The following CAMK2G variants were observed in gnomAD, a reference collection of about 807,000 sequenced individuals.
CAMK2G encodes the protein calcium/calmodulin dependent protein kinase II gamma.
In CAMK2G, 23 loss-of-function variants were observed where a neutral mutation model predicts 88.7. The ratio of observed to expected loss-of-function variants is 0.26; its 90% CI spans 0.19 to 0.37. The LOEUF is 0.37. Among genes scored for constraint, CAMK2G ranks in the 10% least tolerant of loss-of-function variants. CAMK2G has a pLI of 1.00. For synonymous variants in CAMK2G, 263 were observed against 294.8 expected (o/e 0.89, Z 1.11); for missense variants, 476 against 780.8 (o/e 0.61, Z 4.65).
At chr10:73,861,125 CA>C (rs2095351921) in intron 2 of CAMK2G, among the ~76,000 whole-genome samples, 1 of 152,196 alleles carries the variant, frequency 6.6e-6, no homozygotes, top group Non-Finnish European at 1.5e-5. Context: ...CTCCTGGGCT[CA>C]AGCAATCCTC....
intron 3 of CAMK2G, among the ~76,000 whole-genome samples, chr10:73,856,376 A>G (rs965586410): frequency 7.9e-5 from 12 of 152,182 alleles, no homozygotes; most frequent in Non-Finnish European, 1.8e-4. Flanking sequence ...TAGGCAAAGG[A>G]GCTCCAATCT....
chr10:73,816,565 A>T, intron 21 of CAMK2G: 1 of 648,616 alleles, frequency 1.5e-6, no homozygotes, highest in South Asian at 1.9e-5. Flanking sequence ...GGTTCACATC[A>T]TTCTCCTGCC....
chr10:73,872,952 G>A (rs2095887343), intron 2 of CAMK2G, 37 bp downstream of exon 2: 3 of 1,333,112 alleles, frequency 2.3e-6, no homozygotes, highest in Non-Finnish European at 3.3e-6. Flanking sequence ...GCCCCTGGAG[G>A]CACCCTCAGG....
chr10:73,874,154 G>C, intron 1 of CAMK2G, among the ~76,000 whole-genome samples: 1 of 150,812 alleles, frequency 6.6e-6, no homozygotes, highest in South Asian at 2.1e-4. Context: ...GAGCGGTCCG[G>C]GGTCTGCGGT....
intron 16 of CAMK2G, among the ~76,000 whole-genome samples, chr10:73,824,313 G>GGCAGGT (rs2090179182): frequency 6.6e-6 from 1 of 152,198 alleles, no homozygotes; most frequent in Non-Finnish European, 1.5e-5. Flanking sequence ...AGAGAGGCCT[G>GGCAGGT]GCAGGTGCAG....
chr10:73,864,292 G>C (rs1201394817), intron 2 of CAMK2G, among the ~76,000 whole-genome samples: 1 of 150,292 alleles, frequency 6.7e-6, no homozygotes, highest in South Asian at 2.1e-4. Context: ...GACAGAGCAA[G>C]TCAAAAAAAA....
chr10:73,818,713 G>A (rs897782523), intron 19 of CAMK2G: 8 of 455,486 alleles, frequency 1.8e-5, no homozygotes, highest in Non-Finnish European at 3.1e-5. Context: ...GAGTTCGATC[G>A]GCTTCCAAAA....
In CAMK2G at chr10:73,825,296, G is replaced by A. The variant is rs1334065995; in HGVS notation, c.1138C>T (p.Pro380Ser). Residue 380 changes from proline (P) to serine (S), a missense_variant, in exon 16 of 23, where the codon CCC becomes TCC. Pro to Ser is a moderately conservative substitution (Grantham distance 74). This residue lies in a region of CAMK2G where 278 missense variants were observed against 366.5 expected (regional missense o/e 0.76). Coordinates refer to ENST00000423381, the MANE Select transcript of CAMK2G (RefSeq NM_001367534.1). ...GGAGGTACCATGGCCGTCTGCAAGG[G>A]CGCGGGCTCTTGGGCTGGGCTTACG... The part of the protein sequence containing the change: ...SLVSPAQEPA[P>S]LQTAMEPQTT... 6.8e-6 allele frequency: 11 copies of A among 1,613,532 alleles called. No individual in the cohort carries two copies. Among genetic ancestry groups the A allele is most frequent in the Non-Finnish European group, 7.6e-6 (9 of 1,179,440 alleles).
chr10:73,826,420 A>T (rs2090969019), intron 15 of CAMK2G, among the ~76,000 whole-genome samples: 1 of 152,116 alleles, frequency 6.6e-6, no homozygotes, highest in South Asian at 2.1e-4. Flanking sequence ...GCAACAGAGC[A>T]AGACTCCATC....
At chr10:73,871,005 C>G (rs2095808487) in intron 2 of CAMK2G, among the ~76,000 whole-genome samples, 1 of 152,184 alleles carries the variant, frequency 6.6e-6, no homozygotes, top group Non-Finnish European at 1.5e-5. Context: ...CATTCTGACC[C>G]CTCTGGCTGG....
In CAMK2G at chr10:73,842,432, G is replaced by A. The variant is rs1466344368; in HGVS notation, c.903+26C>T. On this transcript the variant is annotated intron_variant, in intron 11 of 22. Transcript: ENST00000423381. The surrounding 1 kb of genome is among the most constrained non-coding windows in gnomAD (Gnocchi z 4.6). ...TGGTGCAAGGCATGATGTCAAGGAG[G>A]CTGGCAGCCTAGAAACGACACTCAC... is the stretch of plus-strand genomic sequence containing the variant. The A allele has an allele frequency of 1.3e-6, 2 of 1,549,468 alleles. No individual in the cohort carries two copies. Among genetic ancestry groups the A allele is most frequent in the Admixed American group, 3.3e-5 (2 of 59,930 alleles).
intron 14 of CAMK2G, among the ~76,000 whole-genome samples, chr10:73,829,555 C>T (rs1303015810): frequency 6.6e-6 from 1 of 152,074 alleles, no homozygotes; most frequent in East Asian, 1.9e-4. Context: ...CTACCTCGGC[C>T]TCCCAAAGTG....
chr10:73,841,642 T>C, intron 12 of CAMK2G, among the ~76,000 whole-genome samples: 1 of 152,244 alleles, frequency 6.6e-6, no homozygotes, highest in East Asian at 1.9e-4. Context: ...TTCTTCACTG[T>C]TATAGCTAGT....
At chr10:73,820,904 C>A (rs2088337823) in intron 18 of CAMK2G, among the ~76,000 whole-genome samples, 1 of 151,942 alleles carries the variant, frequency 6.6e-6, no homozygotes, top group Non-Finnish European at 1.5e-5. Context: ...GAACTTCTGA[C>A]CTTCAGGTGA....
chr10:73,857,394 G>C (rs1353985877), intron 3 of CAMK2G, among the ~76,000 whole-genome samples: 1 of 152,096 alleles, frequency 6.6e-6, no homozygotes, highest in African/African-American at 2.4e-5. Context: ...CTTGCCAGAG[G>C]TCACAGTTAC....
At chr10:73,855,779 G>C (rs754578669) in intron 3 of CAMK2G, among the ~76,000 whole-genome samples, 2 of 152,216 alleles carry the variant, frequency 1.3e-5, no homozygotes, top group Non-Finnish European at 2.9e-5. Context: ...GTGCCCCAGA[G>C]CAAGGCACCT....
intron 19 of CAMK2G, chr10:73,818,569 G>A (rs534251064): frequency 1.8e-4 from 71 of 399,258 alleles, no homozygotes; most frequent in African/African-American, 1.2e-3. Flanking sequence ...CGGCCCAGCC[G>A]GGCCAGCACA....
chr10:73,827,951 C>T, intron 15 of CAMK2G, 138 bp downstream of exon 15: 1 of 784,474 alleles, frequency 1.3e-6, no homozygotes, highest in Non-Finnish European at 2.3e-6. Flanking sequence ...CCTGGCAGGA[C>T]AGGCCACACC....
chr10:73,874,239 CG>C (rs1289263248), intron 1 of CAMK2G, among the ~76,000 whole-genome samples, 157 bp downstream of exon 1: 1 of 77,216 alleles, frequency 1.3e-5, no homozygotes, highest in Non-Finnish European at 2.4e-5. Flanking sequence ...GGGCAGTGCG[CG>C]GGGGGCGCGG....
Sources: gnomAD v4.1 joint callset for allele counts (sites outside exome capture counted in the v4.1 genomes callset) on GRCh38, gnomAD v4.1.1 for gene constraint, gnomAD v4.1.1 regional missense constraint, Gnocchi (gnomAD v3.1) non-coding constraint, MANE v1.5 for transcripts, NCBI Gene and HGNC (gene_info 2026-07-23, HGNC 2026-07-21) for gene names.